Variants in VWA8 observed in about 807,000 individuals in gnomAD.
VWA8 encodes the protein von Willebrand factor A domain-containing protein 8.
In VWA8, 221 loss-of-function variants were observed where a neutral mutation model predicts 241.5. The ratio of observed to expected loss-of-function variants is 0.91; its 90% CI spans 0.82 to 1.02. The LOEUF (loss-of-function observed/expected upper bound fraction) is 1.02, where lower values mean the gene tolerates loss of function less well. Ranked by LOEUF, VWA8 falls within the 50% of genes least tolerant of loss-of-function variation. The pLI is 0.00. For missense variants in VWA8, 2,322 were observed against 2,328.7 expected (o/e 1.00, Z 0.06); for synonymous variants, 852 against 827.1 (o/e 1.03, Z -0.52).
intron 21 of VWA8, among the ~76,000 whole-genome samples, chr13:41,735,548 A>G (rs2045518177): frequency 6.6e-6 from 1 of 152,184 alleles, no homozygotes; most frequent in African/African-American, 2.4e-5. Context: ...TATGTGAGAA[A>G]GAGAAATTCA....
chr13:41,786,981 C>T (rs1159886862), intron 18 of VWA8, among the ~76,000 whole-genome samples: 2 of 151,638 alleles, frequency 1.3e-5, no homozygotes. Context: ...AGAGGGCATG[C>T]ATATTCTGAT....
chr13:41,606,499 CA>C (rs1566385032), intron 39 of VWA8, among the ~76,000 whole-genome samples: 1 of 152,048 alleles, frequency 6.6e-6, no homozygotes, highest in Non-Finnish European at 1.5e-5. Context: ...ATAATAAGTG[CA>C]TATCTCAAAA....
intron 9 of VWA8, among the ~76,000 whole-genome samples, chr13:41,871,179 T>A (rs1400229918): frequency 1.3e-5 from 2 of 152,216 alleles, no homozygotes; most frequent in African/African-American, 4.8e-5. Flanking sequence ...AATAGACATA[T>A]AATTATTTCA....
At chr13:41,846,488 C>T (rs1025110034) in intron 12 of VWA8, among the ~76,000 whole-genome samples, 2 of 152,076 alleles carry the variant, frequency 1.3e-5, no homozygotes, top group African/African-American at 4.8e-5. Context: ...TGAGATAATG[C>T]CTGGCACCTA....
At chr13:41,692,307 T>A (rs144213556) in intron 30 of VWA8, among the ~76,000 whole-genome samples, 1 of 152,182 alleles carries the variant, frequency 6.6e-6, no homozygotes, top group African/African-American at 2.4e-5. Flanking sequence ...AATCACTCTT[T>A]TCATAGTCTT....
At chr13:41,689,098 C>T (rs987611680) in intron 34 of VWA8, among the ~76,000 whole-genome samples, 3 of 151,948 alleles carry the variant, frequency 2.0e-5, no homozygotes, top group African/African-American at 7.3e-5. Flanking sequence ...ATTACATGAA[C>T]CCCCACATAT....
chr13:41,830,505 T>C (rs777442102), intron 14 of VWA8, 24 bp downstream of exon 14: 1 of 1,546,398 alleles, frequency 6.5e-7, no homozygotes, highest in Non-Finnish European at 8.9e-7. Flanking sequence ...AAATTAGCAA[T>C]GGGAGTAATG....
At chr13:41,603,100 A>G (rs1566383716) in intron 40 of VWA8, among the ~76,000 whole-genome samples, 1 of 152,194 alleles carries the variant, frequency 6.6e-6, no homozygotes, top group Non-Finnish European at 1.5e-5. Flanking sequence ...TTAGTAAGTT[A>G]TTGACTCCAA....
chr13:41,692,290 T>TA lies in VWA8; in HGVS notation c.3676-353dup, dbSNP rs201383901. ...TTATATTAGGATACATTTATGACAT[T>TA]AAAAAAAATCACTCTTTTCATAGTC... On this transcript the variant is annotated intron_variant, in intron 30 of 44. Transcript: ENST00000379310. Among the ~76,000 whole-genome samples, 1,473 of 151,998 alleles carry TA rather than the reference T, an allele frequency of 9.7e-3. 26 individuals carry two copies. Among genetic ancestry groups the TA allele is most frequent in the African/African-American group, 0.032 (1,308 of 41,484 alleles).
At chr13:41,631,841 C>T (rs377494347) in intron 37 of VWA8, among the ~76,000 whole-genome samples, 2 of 152,270 alleles carry the variant, frequency 1.3e-5, no homozygotes, top group Admixed American at 6.5e-5. Flanking sequence ...ACAATTGGCA[C>T]AGCACTGGTT....
At chr13:41,926,109 A>G (rs1044485625) in intron 2 of VWA8, 2 of 542,170 alleles carry the variant, frequency 3.7e-6, no homozygotes, top group South Asian at 2.4e-5. Flanking sequence ...TATTCATATT[A>G]GTAAGAAACT....
chr13:41,657,015 A>G (rs2044911005), intron 37 of VWA8, among the ~76,000 whole-genome samples: 1 of 152,064 alleles, frequency 6.6e-6, no homozygotes, highest in South Asian at 2.1e-4. Flanking sequence ...CCCAGGTCTG[A>G]CCAATCAAAG....
In VWA8 at chr13:41,838,011, T is replaced by C. The variant is rs143972835; in HGVS notation, c.1426-4480A>G. 3.9e-5 allele frequency among the ~76,000 whole-genome samples: 6 copies of C among 152,304 alleles called. No homozygotes were observed. In the East Asian group the frequency reaches 9.6e-4, roughly 24 times the overall value. On this transcript the variant is annotated intron_variant, in intron 12 of 44. Coordinates refer to ENST00000379310, the MANE Select transcript of VWA8 (RefSeq NM_015058.2). ...CATTCAGATCCCTGGAAAACATCCA[T>C]GTATCTCTTACGATTCCATGTCAAT... is the stretch of plus-strand genomic sequence containing the variant.
chr13:41,911,891 A>T (rs934072688), intron 3 of VWA8, 147 bp downstream of exon 3: 35 of 1,052,776 alleles, frequency 3.3e-5, no homozygotes, highest in Non-Finnish European at 4.2e-5. Context: ...CTTATGCCAA[A>T]CACTTTATAA....
chr13:41,799,289 G>A (rs905116711), intron 17 of VWA8, among the ~76,000 whole-genome samples: 4 of 152,160 alleles, frequency 2.6e-5, no homozygotes, highest in Non-Finnish European at 5.9e-5. Context: ...GGTTTTCAAG[G>A]TTGGTGTTTT....
chr13:41,848,035 T>G (rs1201079544), intron 12 of VWA8, among the ~76,000 whole-genome samples: 1 of 152,168 alleles, frequency 6.6e-6, no homozygotes, highest in Non-Finnish European at 1.5e-5. Flanking sequence ...ATGGTTACAG[T>G]AGATCCTGCA....
chr13:41,940,338 G>T (rs1412323879), intron 2 of VWA8, among the ~76,000 whole-genome samples: 3 of 151,580 alleles, frequency 2.0e-5, no homozygotes, highest in Non-Finnish European at 4.4e-5. Context: ...GTAAATCAAA[G>T]CATAAATACA....
At chr13:41,614,841 C>A in intron 38 of VWA8, 135 bp downstream of exon 38, 2 of 868,518 alleles carry the variant, frequency 2.3e-6, no homozygotes, top group East Asian at 2.7e-5. Flanking sequence ...GAGGGCAAGA[C>A]AACAATCCAA....
chr13:41,725,198 G>GA (rs67588391), intron 24 of VWA8, among the ~76,000 whole-genome samples: 41,248 of 150,616 alleles, frequency 0.27, 6,154 homozygotes, highest in Non-Finnish European at 0.33. Flanking sequence ...AGCTGGGTAA[G>GA]AAAAAAAAAG....
Sources: allele counts gnomAD v4.1 joint callset (sites outside exome capture counted in the v4.1 genomes callset), GRCh38; gene constraint gnomAD v4.1.1; transcripts MANE v1.5; gene names NCBI Gene and HGNC (gene_info 2026-07-23, HGNC 2026-07-21).